The following ARHGAP19 variants were observed in gnomAD, a reference collection of about 807,000 sequenced individuals.
ARHGAP19 encodes the protein rho GTPase-activating protein 19.
Under a neutral mutation model 60.9 loss-of-function variants are expected in ARHGAP19, and 48 were observed. The ratio of observed to expected loss-of-function variants is 0.79; its 90% CI spans 0.62 to 1.00. ARHGAP19 has a LOEUF of 1.00. Among genes scored for constraint, ARHGAP19 ranks in the 50% least tolerant of loss-of-function variants. ARHGAP19 has a pLI of 0.00. For synonymous variants in ARHGAP19, 209 were observed against 215.5 expected, an observed-to-expected ratio of 0.97 and a Z score of 0.27; for missense variants, 562 against 597.2, an observed-to-expected ratio of 0.94 and a Z score of 0.61.
chr10:97,225,923 C>A lies in ARHGAP19; in HGVS notation c.*199G>T, dbSNP rs1363312171. 2 of 594,658 alleles carry A rather than the reference C, an allele frequency of 3.4e-6. No individual in the cohort carries two copies. Among genetic ancestry groups the A allele is most frequent in the African/African-American group, 3.7e-5 (2 of 53,798 alleles). 36.8% of individuals were successfully genotyped at this position (594,658 alleles called of 1,614,324 possible). On this transcript the variant is annotated 3_prime_UTR_variant, in exon 12 of 12. Transcript: ENST00000358531. ...AAAAAAGAGAGACAGGGCCTAAGCA[C>A]TCTCTCAGAAGGCACAGCTTGCAAA...
At chr10:97,239,553 TGTGTGTGTGTGTGTGTGTGTGTG>T (rs1842441946) in intron 8 of ARHGAP19, among the ~76,000 whole-genome samples, 8 of 10,276 alleles carry the variant, frequency 7.8e-4, no homozygotes, top group African/African-American at 1.1e-3. Context: ...AGAGAGAGGG[TGTGTGTGTGTGTGTGTGTGTGTG>T]TGTGTGTGTG....
At chr10:97,287,421 T>C (rs542638174) in intron 1 of ARHGAP19, among the ~76,000 whole-genome samples, 1 of 152,280 alleles carries the variant, frequency 6.6e-6, no homozygotes, top group Admixed American at 6.5e-5. Flanking sequence ...AACATGGGAA[T>C]CTTTATAGGC....
intron 6 of ARHGAP19, among the ~76,000 whole-genome samples, chr10:97,253,469 T>C (rs1182979847): frequency 6.6e-6 from 1 of 151,474 alleles, no homozygotes; most frequent in Admixed American, 6.6e-5. Context: ...GGGAGTAGAA[T>C]AGTTACCAGA....
chr10:97,250,356 C>T (rs1279205495), intron 6 of ARHGAP19, among the ~76,000 whole-genome samples: 1 of 150,812 alleles, frequency 6.6e-6, no homozygotes, highest in South Asian at 2.1e-4. Flanking sequence ...AGTCTCATGA[C>T]AAAAACATGA....
chr10:97,262,939 C>T (rs1462245503), intron 4 of ARHGAP19, among the ~76,000 whole-genome samples: 1 of 152,084 alleles, frequency 6.6e-6, no homozygotes, highest in Non-Finnish European at 1.5e-5. Context: ...GGCGAAACCC[C>T]ATGTCTACAA....
chr10:97,259,611 C>T lies in ARHGAP19; in HGVS notation c.631G>A (p.Asp211Asn). ...LKIADLMQFD[D>N]KGNKTNIPDK... The stretch of plus-strand genomic sequence containing the variant: ...GGTATATTGGTCTTGTTTCCTTTAT[C>T]ATCAAACTGCATCAAATCTTGAGGA... The change falls in exon 5 of 12, where the codon GAT becomes AAT. Residue 211 changes from aspartate (D) to asparagine (N), a missense_variant. Coordinates refer to ENST00000358531, the MANE Select transcript of ARHGAP19 (RefSeq NM_032900.6). The T allele has an allele frequency of 6.2e-7, 1 of 1,613,948 alleles. No homozygotes were observed.
At chr10:97,234,082 C>T (rs992330850) in intron 9 of ARHGAP19, among the ~76,000 whole-genome samples, 5 of 151,906 alleles carry the variant, frequency 3.3e-5, no homozygotes, top group Non-Finnish European at 5.9e-5. Flanking sequence ...GCCTGGCCGA[C>T]ATGGTGAAAC....
At chr10:97,283,334 A>G (rs376325084) in intron 1 of ARHGAP19, among the ~76,000 whole-genome samples, 153 of 151,930 alleles carry the variant, frequency 1.0e-3, no homozygotes, top group African/African-American at 3.5e-3. Flanking sequence ...AGGTGGGTGG[A>G]TCATGAGGTC....
intron 1 of ARHGAP19, among the ~76,000 whole-genome samples, chr10:97,269,460 C>A (rs1262589915): frequency 6.6e-6 from 1 of 152,144 alleles, no homozygotes; most frequent in Non-Finnish European, 1.5e-5. Context: ...AACCTTTTTA[C>A]ACGCTAGGTT....
chr10:97,251,142 A>AG (rs1842640447), intron 6 of ARHGAP19, among the ~76,000 whole-genome samples: 1 of 84,386 alleles, frequency 1.2e-5, no homozygotes, highest in African/African-American at 4.6e-5. Flanking sequence ...GGAAGGGAAG[A>AG]GAAGGGGAAA....
chr10:97,233,080 T>C (rs1851055919), intron 9 of ARHGAP19, among the ~76,000 whole-genome samples: 4 of 151,754 alleles, frequency 2.6e-5, no homozygotes, highest in South Asian at 4.2e-4. Flanking sequence ...ACCCTGGAGA[T>C]GGAGGTTGCA....
chr10:97,233,942 G>C (rs1851077918), intron 9 of ARHGAP19, among the ~76,000 whole-genome samples: 1 of 151,558 alleles, frequency 6.6e-6, no homozygotes, highest in Non-Finnish European at 1.5e-5. Context: ...GGGGCCTGTT[G>C]GGGGGTGGAG....
At chr10:97,285,519 C>CTTTTTTTTTTTTT (rs1245251335) in intron 1 of ARHGAP19, among the ~76,000 whole-genome samples, 1 of 110,950 alleles carries the variant, frequency 9.0e-6, no homozygotes. Flanking sequence ...TTTTTTTTTG[C>CTTTTTTTTTTTTT]TTTTTTTTTT....
intron 1 of ARHGAP19, among the ~76,000 whole-genome samples, chr10:97,280,598 C>A (rs1413998061): frequency 6.7e-6 from 1 of 150,004 alleles, no homozygotes; most frequent in Non-Finnish European, 1.5e-5. Flanking sequence ...TTTTTTTTTC[C>A]CCTAAGACAG....
chr10:97,239,063 T>C (rs1842426974), intron 8 of ARHGAP19, among the ~76,000 whole-genome samples: 1 of 152,212 alleles, frequency 6.6e-6, no homozygotes, highest in Admixed American at 6.5e-5. Context: ...GGCTATACCA[T>C]ACAGCCTAGG....
At chr10:97,274,630 A>AT (rs1401340175) in intron 1 of ARHGAP19, among the ~76,000 whole-genome samples, 1 of 152,226 alleles carries the variant, frequency 6.6e-6, no homozygotes, top group Admixed American at 6.5e-5. Flanking sequence ...ACTTGTATGT[A>AT]TAATTGACGT....
intron 9 of ARHGAP19, among the ~76,000 whole-genome samples, chr10:97,230,949 C>T (rs568905083): frequency 1.3e-5 from 2 of 148,598 alleles, no homozygotes; most frequent in Admixed American, 6.9e-5. Context: ...CCCAGCTACT[C>T]GGGAGGCCGA....
intron 2 of ARHGAP19, chr10:97,265,654 T>C: frequency 1.7e-6 from 1 of 575,376 alleles, no homozygotes; most frequent in Non-Finnish European, 2.9e-6. Flanking sequence ...ACTGAAAATA[T>C]TTGCTTTAGT....
intron 8 of ARHGAP19, among the ~76,000 whole-genome samples, chr10:97,238,208 G>GT (rs896193390): frequency 5.9e-5 from 9 of 151,970 alleles, no homozygotes; most frequent in Non-Finnish European, 7.4e-5. Flanking sequence ...CAGTTTTGGA[G>GT]TTTTTTTATT....
Sources: gnomAD v4.1 joint callset for allele counts (sites outside exome capture counted in the v4.1 genomes callset) on GRCh38, gnomAD v4.1.1 for gene constraint, MANE v1.5 for transcripts, NCBI Gene and HGNC (gene_info 2026-07-23, HGNC 2026-07-21) for gene names.